RTL9: variants seen among roughly 807,000 people sequenced by gnomAD.
RTL9 encodes retrotransposon Gag-like protein 9.
RTL9 carries 19 observed loss-of-function variants against 44.7 expected under a neutral mutation model. That is an observed-to-expected ratio of 0.42 (90% CI 0.30 to 0.62). The LOEUF is 0.62. Among genes scored for constraint, RTL9 ranks in the 20% least tolerant of loss-of-function variants. RTL9 has a pLI of 0.16. For missense variants in RTL9, 1,105 were observed against 1,080.6 expected, an observed-to-expected ratio of 1.02 and a Z score of -0.32; for synonymous variants, 407 against 398.9, an observed-to-expected ratio of 1.02 and a Z score of -0.24.
intron 1 of RTL9, among the ~76,000 whole-genome samples, chrX:110,361,846 A>G (rs1024445697): frequency 8.9e-6 from 1 of 112,306 alleles, no homozygotes; most frequent in Non-Finnish European, 1.9e-5. Context: ...AGGCTTTGTG[A>G]GCCACGTAAT....
intron 1 of RTL9, among the ~76,000 whole-genome samples, chrX:110,437,231 G>T (rs192574823): frequency 8.9e-6 from 1 of 111,971 alleles, no homozygotes; most frequent in East Asian, 2.8e-4. Context: ...GCAGTTGTGA[G>T]ACTTGCACTG....
exon 1 of RTL9, chrX:110,453,848 A>G (rs1240331818): frequency 8.3e-6 from 10 of 1,211,961 alleles, no homozygotes; most frequent in Non-Finnish European, 1.1e-5. Context: ...TGAGGGCCTC[A>G]GGCCCTGGAA....
intron 1 of RTL9, among the ~76,000 whole-genome samples, chrX:110,444,092 T>C (rs1478185736): frequency 3.6e-5 from 4 of 112,468 alleles, no homozygotes; most frequent in Non-Finnish European, 5.6e-5. Context: ...GAAGTTTGCT[T>C]GGAGAGTCTC....
exon 1 of RTL9, chrX:110,453,438 A>G (rs755901437): frequency 8.3e-7 from 1 of 1,211,869 alleles, no homozygotes; most frequent in South Asian, 1.8e-5. Context: ...CACTGCACAA[A>G]CAACAGCCAT....
chrX:110,450,002 A>G (rs1030374320), upstream of RTL9, among the ~76,000 whole-genome samples: 2 of 111,890 alleles, frequency 1.8e-5, no homozygotes, highest in African/African-American at 6.5e-5. Context: ...TGAAAATAAT[A>G]AGCAGAATTT....
chrX:110,372,917 C>T (rs2068349654), intron 1 of RTL9, among the ~76,000 whole-genome samples: 1 of 111,833 alleles, frequency 8.9e-6, no homozygotes, highest in African/African-American at 3.3e-5. Flanking sequence ...GTGCTTCCCT[C>T]ATAAAACAAA....
At chrX:110,370,285 T>C (rs1296821998) in intron 1 of RTL9, among the ~76,000 whole-genome samples, 1 of 112,124 alleles carries the variant, frequency 8.9e-6, no homozygotes, top group Admixed American at 9.4e-5. Context: ...ATTGGTTCAC[T>C]GAAAACTTCC....
rs368543078 is a variant in RTL9, at chrX:110,374,363, T to A, written c.-168+15447T>A. The stretch of plus-strand genomic sequence containing the variant: ...AAAAAATGAATATGTTTTAAATGCA[T>A]GAGTGAGTGAATTAATGAGTCTAGT... On this transcript the variant is annotated intron_variant, in intron 1 of 2. Transcript: ENST00000520821. 1.3e-4 allele frequency among the ~76,000 whole-genome samples: 15 copies of A among 112,303 alleles called. No homozygotes were observed. The East Asian group carries it at 3.9e-3, about 29-fold the overall frequency.
upstream of RTL9, among the ~76,000 whole-genome samples, chrX:110,415,523 A>G (rs949209618): frequency 9.0e-6 from 1 of 111,515 alleles, no homozygotes; most frequent in Non-Finnish European, 1.9e-5. Flanking sequence ...CCATGGAGGA[A>G]TCGACAACCA....
intron 1 of RTL9, among the ~76,000 whole-genome samples, chrX:110,385,395 G>T (rs775290433): frequency 9.0e-6 from 1 of 111,294 alleles, no homozygotes; most frequent in African/African-American, 3.3e-5. Context: ...AAAGTGTACA[G>T]TTCAGTCATT....
rs749076047 is a variant in RTL9 at position 110,422,460 on chromosome X, C to A, written c.-168+3325C>A. 2.7e-5 allele frequency among the ~76,000 whole-genome samples: 3 copies of A among 112,781 alleles called. No homozygotes were observed. The East Asian group carries it at 8.3e-4, about 31-fold the overall frequency. On this transcript the variant is annotated intron_variant, in intron 1 of 3. Transcript: ENST00000465301. ...CCAGATACGAGACCAGGAGGCAAAG[C>A]CATATTTACCTGTTCTCCCCAGTTG...
At chrX:110,449,160 C>A (rs1005364074), upstream of RTL9, among the ~76,000 whole-genome samples, 2 of 110,046 alleles carry the variant, frequency 1.8e-5, no homozygotes, top group African/African-American at 6.7e-5. Flanking sequence ...GGCTCTGGAA[C>A]TGGATGGACC....
chrX:110,389,192 T>A (rs1227841462), intron 1 of RTL9, among the ~76,000 whole-genome samples: 1 of 112,646 alleles, frequency 8.9e-6, no homozygotes, highest in African/African-American at 3.2e-5. Flanking sequence ...GCACTGCAAA[T>A]CTCCAAGGAA....
rs760804097 is a variant in RTL9, at chrX:110,376,242, G to A, written c.-168+17326G>A. On this transcript the variant is annotated intron_variant, in intron 1 of 2. Transcript: ENST00000520821. ...GGAATGGGCTGCCTCCTGAGCTAATGAGTTTCTCATCACTAGAAGCAGGAT... is the reference window on the plus strand; with the variant it reads ...GGAATGGGCTGCCTCCTGAGCTAATAAGTTTCTCATCACTAGAAGCAGGAT... Among the ~76,000 whole-genome samples the A allele has an allele frequency of 3.6e-5, 4 of 111,354 alleles. No homozygotes were observed. In the South Asian group the frequency reaches 1.5e-3, roughly 42 times the overall value.
At chrX:110,418,165 G>A (rs1004249297), upstream of RTL9, among the ~76,000 whole-genome samples, 2 of 112,729 alleles carry the variant, frequency 1.8e-5, no homozygotes, top group Non-Finnish European at 3.7e-5. Context: ...CGGCATGCAG[G>A]CCGGGGACTC....
At chrX:110,398,743 T>C (rs1368188013) in intron 1 of RTL9, among the ~76,000 whole-genome samples, 1 of 112,269 alleles carries the variant, frequency 8.9e-6, no homozygotes, top group African/African-American at 3.2e-5. Flanking sequence ...TCACTTCACC[T>C]CATAGTTGGG....
At chrX:110,410,527 G>A (rs1012110589) in intron 1 of RTL9, among the ~76,000 whole-genome samples, 2 of 111,701 alleles carry the variant, frequency 1.8e-5, no homozygotes, top group African/African-American at 6.5e-5. Flanking sequence ...GTAACTGAGG[G>A]AAAATAGGAG....
chrX:110,439,879 C>T (rs1207020741), intron 1 of RTL9: 2 of 110,757 alleles, frequency 1.8e-5, no homozygotes, highest in East Asian at 2.8e-4. Context: ...ATGAGTAAGC[C>T]GGGTACTTAC....
intron 1 of RTL9, among the ~76,000 whole-genome samples, chrX:110,421,283 T>G (rs973344707): frequency 8.9e-6 from 1 of 112,685 alleles, no homozygotes; most frequent in Non-Finnish European, 1.9e-5. Context: ...AGGTGAGAGA[T>G]GCTTGCTTTT....
Sources: gnomAD v4.1 joint callset for allele counts (sites outside exome capture counted in the v4.1 genomes callset) on GRCh38, gnomAD v4.1.1 for gene constraint, MANE v1.5 for transcripts, NCBI Gene and HGNC (gene_info 2026-07-23, HGNC 2026-07-21) for gene names.